The following CHD7 variants were observed in gnomAD, a reference collection of about 807,000 sequenced individuals.
CHD7 encodes the protein ATP-dependent chromatin remodeler CHD7.
Under a neutral mutation model 307.3 loss-of-function variants are expected in CHD7, and 24 were observed. The observed-to-expected ratio is 0.08, with a 90% CI of 0.06 to 0.11. CHD7 has a LOEUF of 0.11. Ranked by LOEUF, CHD7 falls within the 10% of genes least tolerant of loss-of-function variation. CHD7 has a pLI of 1.00. For missense variants in CHD7, 3,106 were observed against 3,727.1 expected (o/e 0.83, Z 4.34); for synonymous variants, 1,363 against 1,349.9 (o/e 1.01, Z -0.21).
chr8:60,859,910 C>T (rs1213926622), intron 34 of CHD7, among the ~76,000 whole-genome samples: 3 of 152,086 alleles, frequency 2.0e-5, no homozygotes, highest in Non-Finnish European at 4.4e-5. Context: ...GGAAGGGCTG[C>T]ATTTTAGAAA....
intron 12 of CHD7, among the ~76,000 whole-genome samples, chr8:60,823,267 A>C (rs1303641396): frequency 6.6e-6 from 1 of 152,198 alleles, no homozygotes; most frequent in African/African-American, 2.4e-5. Context: ...ATTAGTGTGT[A>C]TCAACAGTGA....
chr8:60,813,227 A>G (rs7834977), intron 7 of CHD7, among the ~76,000 whole-genome samples: 1 of 152,100 alleles, frequency 6.6e-6, no homozygotes, highest in Non-Finnish European at 1.5e-5. Flanking sequence ...TGAAGACAAT[A>G]TGTTGGCTTC....
chr8:60,781,485 G>A (rs897581012), intron 3 of CHD7, 55 bp downstream of exon 3: 10 of 1,475,080 alleles, frequency 6.8e-6, no homozygotes, highest in East Asian at 2.5e-5. Context: ...AGAAATTAGC[G>A]CCAAATAGTT....
At chr8:60,829,609 G>GGAAAA (rs1010437342) in intron 14 of CHD7, among the ~76,000 whole-genome samples, 1 of 151,922 alleles carries the variant, frequency 6.6e-6, no homozygotes, top group Non-Finnish European at 1.5e-5. Context: ...TCAAAAAAAA[G>GGAAAA]GAAAAGAAAA....
At position 60,836,895 on chromosome 8, in the gene CHD7, T is replaced by G; in HGVS notation, c.4068T>G (p.Asp1356Glu). Residue 1356 changes from aspartate to glutamate, a missense_variant, in exon 17 of 38, where the codon GAT (aspartate) becomes GAG (glutamate). Around this residue, in one of 10 missense-constraint regions of CHD7, gnomAD observed 232 missense variants for 422.5 expected, o/e 0.55. Coordinates refer to ENST00000423902, the MANE Select transcript of CHD7 (RefSeq NM_017780.4). ...QAAIDRFSKPDSDRFVFLLCT... is the reference protein window; with the variant it reads ...QAAIDRFSKPESDRFVFLLCT... ...CTATCGACAGATTCTCCAAACCTGA[T>G]TCTGATAGGTTTGTTTTCCTCCTGT... The G allele has an allele frequency of 6.2e-7, 1 of 1,613,840 alleles. No homozygotes were observed.
intron 19 of CHD7, among the ~76,000 whole-genome samples, chr8:60,839,054 T>G (rs1804858607): frequency 6.6e-6 from 1 of 152,192 alleles, no homozygotes; most frequent in Non-Finnish European, 1.5e-5. Flanking sequence ...CCCAGAAAGG[T>G]CCTCATGCTC....
chr8:60,815,139 CT>C (rs1273156874), intron 7 of CHD7, among the ~76,000 whole-genome samples: 10 of 152,030 alleles, frequency 6.6e-5, no homozygotes, highest in African/African-American at 2.2e-4. Flanking sequence ...ATTTAAAATC[CT>C]TTTTTCCCTC....
intron 3 of CHD7, among the ~76,000 whole-genome samples, chr8:60,783,772 TG>T (rs139778624): frequency 2.0e-5 from 3 of 151,182 alleles, no homozygotes; most frequent in Non-Finnish European, 3.0e-5. Context: ...GATGCCACAC[TG>T]GGGGGGGCGG....
chr8:60,680,494 C>T (rs1205333525), intron 1 of CHD7, among the ~76,000 whole-genome samples: 2 of 151,426 alleles, frequency 1.3e-5, no homozygotes, highest in African/African-American at 4.8e-5. Context: ...CGGCCCCGAG[C>T]AGCCATCATT....
At chr8:60,690,459 A>G (rs991941347) in intron 1 of CHD7, among the ~76,000 whole-genome samples, 11 of 152,116 alleles carry the variant, frequency 7.2e-5, no homozygotes, top group Admixed American at 3.9e-4. Context: ...TAACTTTTCA[A>G]TGTTCCCACT....
At chr8:60,698,083 A>G (rs1806574170) in intron 1 of CHD7, among the ~76,000 whole-genome samples, 2 of 152,252 alleles carry the variant, frequency 1.3e-5, no homozygotes, top group Non-Finnish European at 2.9e-5. Flanking sequence ...CAGTAAAACA[A>G]GAAATGTACT....
At chr8:60,694,086 A>G (rs1173671536) in intron 1 of CHD7, among the ~76,000 whole-genome samples, 1 of 152,278 alleles carries the variant, frequency 6.6e-6, no homozygotes, top group African/African-American at 2.4e-5. Flanking sequence ...CATGGCCACT[A>G]AAGACAAGGA....
intron 1 of CHD7, among the ~76,000 whole-genome samples, chr8:60,685,149 G>A (rs1422263626): frequency 6.6e-6 from 1 of 152,186 alleles, no homozygotes; most frequent in Non-Finnish European, 1.5e-5. Context: ...TATGACTGAG[G>A]TAGCTGATAA....
intron 2 of CHD7, among the ~76,000 whole-genome samples, chr8:60,769,786 A>G (rs1428720116): frequency 6.6e-6 from 1 of 152,196 alleles, no homozygotes; most frequent in Non-Finnish European, 1.5e-5. Flanking sequence ...TCAAGGAAAT[A>G]CTTGAACCAC....
At chr8:60,793,248 T>A (rs1811858621) in intron 3 of CHD7, among the ~76,000 whole-genome samples, 1 of 144,670 alleles carries the variant, frequency 6.9e-6, no homozygotes. Flanking sequence ...TTGTATGGAT[T>A]TTTTTTTTTA....
In CHD7 at chr8:60,772,691, T is replaced by A. The variant is rs575974227; in HGVS notation, c.1666-8309T>A. On this transcript the variant is annotated intron_variant, in intron 2 of 37. Coordinates refer to ENST00000423902, the MANE Select transcript of CHD7 (RefSeq NM_017780.4). ...CTATAGATTCTCATTCCTGTATAGT[T>A]ACTAAGGTGAGCCCACTAAGGGAAG... Among the ~76,000 whole-genome samples, 33 of 152,276 alleles carry A rather than the reference T, an allele frequency of 2.2e-4. No homozygotes were observed. In the South Asian group the frequency reaches 6.2e-3, roughly 29 times the overall value.
In CHD7 at chr8:60,702,911, G is replaced by A. The variant is rs138770758; in HGVS notation, c.-175+23829G>A. Among the ~76,000 whole-genome samples the A allele has an allele frequency of 3.2e-3, 491 of 152,290 alleles. 3 individuals are homozygous for A. The highest frequency in any genetic ancestry group is 0.011 in the African/African-American group (464 of 41,538). ...TGTGAGAGAGAGTGAGCGAGAGAGCGCCACATATTCCAGCAGATTGGCCCA... is the reference window on the plus strand; with the variant it reads ...TGTGAGAGAGAGTGAGCGAGAGAGCACCACATATTCCAGCAGATTGGCCCA... On this transcript the variant is annotated intron_variant, in intron 1 of 37. Transcript: ENST00000423902.
chr8:60,816,566 T>C, intron 8 of CHD7, 65 bp downstream of exon 8: 2 of 987,456 alleles, frequency 2.0e-6, no homozygotes, highest in Non-Finnish European at 3.0e-6. Context: ...ATTTAAAATT[T>C]TAGTTCCATG....
At chr8:60,745,453 T>C (rs999376852) in intron 2 of CHD7, among the ~76,000 whole-genome samples, 3 of 152,138 alleles carry the variant, frequency 2.0e-5, no homozygotes, top group Non-Finnish European at 4.4e-5. Context: ...CCTTGACCAG[T>C]GGAGGCTCCA....
Sources: gnomAD v4.1 joint callset for allele counts (sites outside exome capture counted in the v4.1 genomes callset) on GRCh38, gnomAD v4.1.1 for gene constraint, gnomAD v4.1.1 regional missense constraint, MANE v1.5 for transcripts, NCBI Gene and HGNC (gene_info 2026-07-23, HGNC 2026-07-21) for gene names.